The following DSCAM variants were observed in gnomAD, a reference collection of about 807,000 sequenced individuals.
DSCAM encodes DS cell adhesion molecule.
Under a neutral mutation model 217.7 loss-of-function variants are expected in DSCAM, and 47 were observed. The observed-to-expected ratio is 0.22, with a 90% CI of 0.17 to 0.28. DSCAM has a LOEUF of 0.28. Ranked by LOEUF, DSCAM falls within the 10% of genes least tolerant of loss-of-function variation. The pLI, the probability that DSCAM is intolerant of heterozygous loss-of-function variation, is 1.00. For missense variants in DSCAM, 2,080 were observed against 2,618.3 expected, an observed-to-expected ratio of 0.79 and a Z score of 4.49; for synonymous variants, 1,056 against 1,015.3, an observed-to-expected ratio of 1.04 and a Z score of -0.76.
At chr21:40,159,567 C>T (rs531741368) in intron 16 of DSCAM, among the ~76,000 whole-genome samples, 2 of 152,228 alleles carry the variant, frequency 1.3e-5, no homozygotes, top group South Asian at 4.1e-4. Flanking sequence ...ACTACCTACC[C>T]ATCTATTTTT....
At chr21:40,102,036 A>AT (rs1328360663) in intron 20 of DSCAM, among the ~76,000 whole-genome samples, 2 of 152,124 alleles carry the variant, frequency 1.3e-5, no homozygotes, top group Non-Finnish European at 2.9e-5. Flanking sequence ...CAGTGTGTAG[A>AT]TTATAAGGCA....
intron 1 of DSCAM, among the ~76,000 whole-genome samples, chr21:40,810,905 T>TA (rs67721150): frequency 0.12 from 18,300 of 150,500 alleles, 1,325 homozygotes; most frequent in East Asian, 0.23. Flanking sequence ...ACCCTGTCTC[T>TA]AAAAAAAATG....
intron 3 of DSCAM, among the ~76,000 whole-genome samples, chr21:40,470,885 C>G (rs2075882835): frequency 6.6e-6 from 1 of 152,200 alleles, no homozygotes; most frequent in African/African-American, 2.4e-5. Context: ...TTATGGCTAA[C>G]AAAGAACTTG....
In DSCAM at chr21:40,178,956, T is replaced by C; in HGVS notation, c.2918A>G (p.Asn973Ser). The C allele has an allele frequency of 6.2e-7, 1 of 1,613,966 alleles. No homozygotes were observed. Among genetic ancestry groups the C allele is most frequent in the Non-Finnish European group, 8.5e-7 (1 of 1,179,996 alleles). The change falls in exon 15 of 33, where the codon AAC becomes AGC. Residue 973 changes from asparagine to serine, a missense_variant. Physicochemically the swap from Asn to Ser is conservative, Grantham distance 46. Around this residue, in one of 5 missense-constraint regions of DSCAM, gnomAD observed 1,144 missense variants for 1,421.1 expected, o/e 0.81. Coordinates refer to ENST00000400454, the MANE Select transcript of DSCAM (RefSeq NM_001389.5). ...CTCGTCCGCCGTGATGGTGAGCTCG[T>C]TGCTGGGCTCGCTCTTGCCAATCCG... Reference protein sequence around the residue: ...KNRIGKSEPSNELTITADEAA... With the variant: ...KNRIGKSEPSSELTITADEAA...
At chr21:40,243,712 T>C (rs928598111) in intron 11 of DSCAM, among the ~76,000 whole-genome samples, 1 of 152,192 alleles carries the variant, frequency 6.6e-6, no homozygotes, top group African/African-American at 2.4e-5. Context: ...TTCCATGACT[T>C]CAGAGAATGC....
intron 20 of DSCAM, among the ~76,000 whole-genome samples, chr21:40,101,029 G>A (rs1242006139): frequency 6.6e-6 from 1 of 152,214 alleles, no homozygotes; most frequent in Admixed American, 6.5e-5. Context: ...TTACGAAGTT[G>A]CCGCCAGGCA....
chr21:40,744,966 T>A (rs2146549029), intron 1 of DSCAM, among the ~76,000 whole-genome samples: 1 of 152,276 alleles, frequency 6.6e-6, no homozygotes, highest in East Asian at 1.9e-4. Context: ...AAACACTTTT[T>A]AAAAATCCAA....
At chr21:40,686,464 C>T (rs1282142562) in intron 3 of DSCAM, among the ~76,000 whole-genome samples, 1 of 152,164 alleles carries the variant, frequency 6.6e-6, no homozygotes, top group African/African-American at 2.4e-5. Context: ...ACATCACACA[C>T]ATGTACACAC....
At chr21:40,280,728 G>T (rs931129585) in intron 10 of DSCAM, among the ~76,000 whole-genome samples, 1 of 152,094 alleles carries the variant, frequency 6.6e-6, no homozygotes, top group Non-Finnish European at 1.5e-5. Flanking sequence ...TTATGCAAAT[G>T]GACTTTATTA....
intron 3 of DSCAM, among the ~76,000 whole-genome samples, chr21:40,427,868 C>T (rs2075490767): frequency 6.6e-6 from 1 of 152,192 alleles, no homozygotes; most frequent in Non-Finnish European, 1.5e-5. Context: ...GTATTGTGTT[C>T]TGGATGAATA....
intron 32 of DSCAM, among the ~76,000 whole-genome samples, chr21:40,024,462 G>T (rs1472381329): frequency 1.3e-5 from 1 of 77,094 alleles, no homozygotes; most frequent in Non-Finnish European, 2.8e-5. Context: ...ACCTTGGGCA[G>T]TATGGCCATT....
At chr21:40,697,295 T>C (rs1835857452) in intron 2 of DSCAM, among the ~76,000 whole-genome samples, 1 of 152,246 alleles carries the variant, frequency 6.6e-6, no homozygotes, top group African/African-American at 2.4e-5. Context: ...TCTTCAACTT[T>C]GCTGATTTTT....
chr21:40,365,531 A>G (rs1049281233), intron 4 of DSCAM, among the ~76,000 whole-genome samples: 2 of 151,990 alleles, frequency 1.3e-5, no homozygotes, highest in African/African-American at 4.8e-5. Context: ...GTGAGTCATT[A>G]CTCCTTAATA....
At chr21:40,381,037 TG>T (rs2075016783) in intron 3 of DSCAM, among the ~76,000 whole-genome samples, 1 of 114,864 alleles carries the variant, frequency 8.7e-6, no homozygotes, top group African/African-American at 3.3e-5. Context: ...CACTCCAGCC[TG>T]GGCGACAGAG....
intron 3 of DSCAM, among the ~76,000 whole-genome samples, chr21:40,389,087 C>T (rs113589558): frequency 2.0e-5 from 3 of 152,176 alleles, no homozygotes; most frequent in Admixed American, 6.5e-5. Flanking sequence ...ATAGAAATCC[C>T]CCGTGTTTTA....
At position 40,016,722 on chromosome 21, in the gene DSCAM, G is replaced by A. The variant is rs2088165197; in HGVS notation, c.5687-3336C>T. On this transcript the variant is annotated intron_variant, in intron 32 of 32. Transcript: ENST00000400454. This position sits in a 1 kb window ranked among gnomAD's most constrained non-coding sequence, Gnocchi z 4.3. ...ATTAGCCAGCTGCTCTGCTAGCGGG[G>A]CAATGAAAGTGATATGTGTTTAGAC... Among the ~76,000 whole-genome samples the A allele has an allele frequency of 6.6e-6, 1 of 152,196 alleles. No individual in the cohort carries two copies. The highest frequency in any genetic ancestry group is 2.1e-4 in the South Asian group (1 of 4,824).
rs188648309 is a variant in DSCAM at position 40,142,079 on chromosome 21, C to T, written c.3406+479G>A. 8.6e-5 allele frequency among the ~76,000 whole-genome samples: 13 copies of T among 150,736 alleles called. No homozygotes were observed. In the East Asian group the frequency reaches 2.5e-3, roughly 29 times the overall value. ...GAAACAGGAGACAAAACGGGAGGGC[C>T]CTGAACTTCCTGGCCCCCTCCTGAG... On this transcript the variant is annotated intron_variant, in intron 18 of 32. Transcript: ENST00000400454.
chr21:40,339,944 T>C (rs534898985), intron 6 of DSCAM, among the ~76,000 whole-genome samples: 1 of 152,220 alleles, frequency 6.6e-6, no homozygotes, highest in South Asian at 2.1e-4. Flanking sequence ...GAGAGATTGA[T>C]GACCTCATCT....
chr21:40,134,709 C>T (rs557536751), intron 18 of DSCAM, among the ~76,000 whole-genome samples: 2 of 152,190 alleles, frequency 1.3e-5, no homozygotes, highest in South Asian at 2.1e-4. Flanking sequence ...TTGATTGTGG[C>T]GAGCATTTCA....
Sources: allele counts gnomAD v4.1 joint callset (sites outside exome capture counted in the v4.1 genomes callset), GRCh38; gene constraint gnomAD v4.1.1; regional missense constraint gnomAD v4.1.1; non-coding constraint Gnocchi (gnomAD v3.1); transcripts MANE v1.5; gene names NCBI Gene and HGNC (gene_info 2026-07-23, HGNC 2026-07-21).